CAPN11: variants seen among roughly 807,000 people sequenced by gnomAD.
CAPN11 encodes the protein calpain 11, also known as calpain-11.
Under a neutral mutation model 105.3 loss-of-function variants are expected in CAPN11, and 108 were observed. The observed-to-expected ratio is 1.03, with a 90% CI of 0.88 to 1.20. CAPN11 has a LOEUF of 1.20. Ranked by LOEUF, CAPN11 falls within the 50% of genes most tolerant of loss-of-function variation. The probability of loss-of-function intolerance (pLI) is 0.00; values close to 1 mark genes in which losing one functional copy is unlikely to be tolerated. For synonymous variants in CAPN11, 329 were observed against 344.5 expected, an observed-to-expected ratio of 0.96 and a Z score of 0.50; for missense variants, 883 against 924.8, an observed-to-expected ratio of 0.95 and a Z score of 0.59.
In CAPN11 at chr6:44,180,616, A is replaced by G; in HGVS notation, c.1700A>G (p.Asp567Gly). The change falls in exon 16 of 23, where the codon GAC becomes GGC. Residue 567 changes from aspartate to glycine, a missense_variant. Physicochemically the swap from Asp to Gly is moderately conservative, Grantham distance 94. Coordinates refer to ENST00000398776, the MANE Select transcript of CAPN11 (RefSeq NM_007058.4). ...CCCCAGGAAAAGGTCTCTGAGGATG[A>G]CATGGACCAGGACTTCCTACATTTG... ...QLQEEKVSED[D>G]MDQDFLHLFK... is the part of the protein sequence containing the mutation. The G allele has an allele frequency of 6.2e-7, 1 of 1,613,806 alleles. No individual in the cohort carries two copies. Among genetic ancestry groups the G allele is most frequent in the Non-Finnish European group, 8.5e-7 (1 of 1,179,850 alleles).
At chr6:44,183,291 C>G in intron 21 of CAPN11, 56 bp downstream of exon 21, 3 of 1,087,600 alleles carry the variant, frequency 2.8e-6, no homozygotes, top group Non-Finnish European at 4.3e-6. Context: ...GGGCCCTTTC[C>G]CAAACACCCA....
intron 2 of CAPN11, among the ~76,000 whole-genome samples, chr6:44,167,054 G>A (rs966870023): frequency 6.6e-6 from 1 of 152,032 alleles, no homozygotes; most frequent in Admixed American, 6.6e-5. Flanking sequence ...CGCCTGGCAG[G>A]CCCGGGATCC....
intron 4 of CAPN11, 124 bp from the exon 5 acceptor site, chr6:44,172,178 C>T: frequency 1.7e-6 from 1 of 588,300 alleles, no homozygotes; most frequent in Non-Finnish European, 3.0e-6. Context: ...GAGGGTGCCT[C>T]TCCGCCGGGG....
chr6:44,177,028 T>C (rs1233691593), intron 11 of CAPN11, 30 bp downstream of exon 11: 4 of 1,604,332 alleles, frequency 2.5e-6, no homozygotes, highest in Non-Finnish European at 3.4e-6. Flanking sequence ...GGAGGGGGTG[T>C]GCAGGGAGTG....
intron 12 of CAPN11, among the ~76,000 whole-genome samples, chr6:44,179,216 C>A (rs572606367): frequency 1.3e-5 from 2 of 152,186 alleles, no homozygotes; most frequent in South Asian, 2.1e-4. Context: ...CACCTCACAT[C>A]TTTGGGATTC....
chr6:44,183,899 T>C lies in CAPN11; in HGVS notation c.2194-7T>C, dbSNP rs752392122. 8 of 1,559,676 alleles carry C rather than the reference T, an allele frequency of 5.1e-6. No individual in the cohort carries two copies. Among genetic ancestry groups the C allele is most frequent in the Non-Finnish European group, 6.1e-6 (7 of 1,151,470 alleles). On this transcript the variant is annotated splice_polypyrimidine_tract_variant and splice_region_variant and intron_variant, in intron 22 of 22. Transcript: ENST00000398776. ...CCCACCCTGGGATCTGCTTCCTGTC[T>C]CCACAGTGGCTGCAGATGACCATGT...
intron 19 of CAPN11, among the ~76,000 whole-genome samples, chr6:44,181,626 CAT>C (rs1197447408): frequency 1.4e-4 from 2 of 13,970 alleles, no homozygotes; most frequent in South Asian, 1.8e-3. Context: ...CACACACACA[CAT>C]ACACACTCAC....
chr6:44,180,133 G>A lies in CAPN11; in HGVS notation c.1610G>A (p.Arg537Gln), dbSNP rs761181960. 46 of 1,612,476 alleles carry A rather than the reference G, an allele frequency of 2.9e-5. No individual in the cohort carries two copies. The highest frequency in any genetic ancestry group is 4.5e-5 in the East Asian group (2 of 44,838). The stretch of plus-strand genomic sequence containing the variant: ...CACAGAGATGCTGACTTCCTGCTTC[G>A]GGTCTTCACCGAGAAGCACAGCGAG... ...EPHRDADFLL[R>Q]VFTEKHSESW... is the part of the protein sequence containing the mutation. The change falls in exon 14 of 23, where the codon CGG becomes CAG. Residue 537 changes from arginine (R) to glutamine (Q), a missense_variant. Coordinates refer to ENST00000398776, the MANE Select transcript of CAPN11 (RefSeq NM_007058.4).
In CAPN11 at chr6:44,183,255, A is replaced by C. The variant is rs1317313835; in HGVS notation, c.2134+20A>C. Reference sequence around the variant, plus strand: ...TGTTCAGTGAGTTAGGCATCTACCCACTCCCCAGCCTAGGCCAGGGGCCGC... The same window carrying C: ...TGTTCAGTGAGTTAGGCATCTACCCCCTCCCCAGCCTAGGCCAGGGGCCGC... On this transcript the variant is annotated intron_variant, in intron 21 of 22. Coordinates refer to ENST00000398776, the MANE Select transcript of CAPN11 (RefSeq NM_007058.4). 1.1e-5 allele frequency: 16 copies of C among 1,519,512 alleles called. No individual in the cohort carries two copies. Among genetic ancestry groups the C allele is most frequent in the Middle Eastern group, 1.7e-4 (1 of 5,838 alleles). The allele number at this position is 1,519,512 out of a possible 1,614,324, so 94.1% of individuals were successfully genotyped here.
intron 9 of CAPN11, 23 bp downstream of exon 9, chr6:44,176,361 AG>A (rs771365095): frequency 6.6e-5 from 106 of 1,602,292 alleles, no homozygotes; most frequent in Non-Finnish European, 9.1e-5. Context: ...AACCCAGGTG[AG>A]GGGTGGTCGG....
Position 44,166,830 on chromosome 6 carries a change from G to C in CAPN11, c.88+1G>C. 2 of 1,548,956 alleles carry C rather than the reference G, an allele frequency of 1.3e-6. No homozygotes were observed. The highest frequency in any genetic ancestry group is 1.7e-6 in the Non-Finnish European group (2 of 1,144,550). On this transcript the variant is annotated splice_donor_variant, in intron 2 of 22. Transcript: ENST00000398776. LOFTEE classifies it high-confidence loss of function. ...GATAAGCCTCGGGGCTCATGTGCGG[G>C]TAGGACTGCAGACCCGTCGTGGCTC...
Position 44,180,466 on chromosome 6 carries a change from G to T in CAPN11, c.1647G>T (p.Leu549Phe). 1 of 1,612,822 alleles carries T rather than the reference G, an allele frequency of 6.2e-7. No individual in the cohort carries two copies. Among genetic ancestry groups the T allele is most frequent in the Non-Finnish European group, 8.5e-7 (1 of 1,179,426 alleles). The change falls in exon 15 of 23, where the codon TTG becomes TTT. Residue 549 changes from leucine (L) to phenylalanine (F), a missense_variant. Physicochemically the swap from Leu to Phe is conservative, Grantham distance 22. Transcript: ENST00000398776. The part of the protein sequence containing the change: ...FTEKHSESWE[L>F]DEVNYAEQLQ... ...TTTCAATCATTTTGCCCAGGGAATT[G>T]GATGAAGTCAACTATGCTGAGCAAC... is the stretch of plus-strand genomic sequence containing the variant.
intron 4 of CAPN11, 100 bp from the exon 5 acceptor site, chr6:44,172,202 G>A (rs1771129249): frequency 2.9e-6 from 2 of 700,636 alleles, no homozygotes; most frequent in African/African-American, 1.8e-5. Flanking sequence ...TGAGAATGGG[G>A]TACAGGGTCA....
chr6:44,181,947 CCACACTCA>C (rs1773648074), intron 19 of CAPN11, among the ~76,000 whole-genome samples: 1 of 123,190 alleles, frequency 8.1e-6, no homozygotes, highest in Non-Finnish European at 1.7e-5. Flanking sequence ...CACAACCACA[CCACACTCA>C]CACACACACA....
At chr6:44,163,530 G>A (rs576097450) in intron 1 of CAPN11, among the ~76,000 whole-genome samples, 42 of 152,246 alleles carry the variant, frequency 2.8e-4, no homozygotes, top group Non-Finnish European at 5.3e-4. Context: ...AATGCCCACC[G>A]AGTCTGAGGA....
At chr6:44,161,556 G>T (rs750648021) in intron 1 of CAPN11, among the ~76,000 whole-genome samples, 2 of 152,158 alleles carry the variant, frequency 1.3e-5, no homozygotes, top group Non-Finnish European at 2.9e-5. Context: ...AGTCCTTCCT[G>T]CAAGTCAGAG....
chr6:44,167,286 T>C (rs1333533061), intron 2 of CAPN11, among the ~76,000 whole-genome samples: 2 of 149,958 alleles, frequency 1.3e-5, no homozygotes, highest in Non-Finnish European at 3.0e-5. Flanking sequence ...ATCACCTGAG[T>C]TCGGGAGTTC....
rs1169349668 is a variant in CAPN11 at position 44,179,610 on chromosome 6, C to T, written c.1417-9C>T. On this transcript the variant is annotated splice_polypyrimidine_tract_variant and intron_variant, in intron 12 of 22. Coordinates refer to ENST00000398776, the MANE Select transcript of CAPN11 (RefSeq NM_007058.4). Reference sequence around the variant, plus strand: ...AGAGATCTGACTCTCCTCTTTCTTCCCTTCCCAGGTCCCAAAAGAGGTACA... The same window carrying T: ...AGAGATCTGACTCTCCTCTTTCTTCTCTTCCCAGGTCCCAAAAGAGGTACA... The T allele has an allele frequency of 3.7e-6, 6 of 1,613,154 alleles. No homozygotes were observed.
chr6:44,175,204 G>A (rs1771757570), intron 7 of CAPN11, among the ~76,000 whole-genome samples: 1 of 152,132 alleles, frequency 6.6e-6, no homozygotes, highest in African/African-American at 2.4e-5. Flanking sequence ...TCTGGGCTGG[G>A]CACGGTGCCT....
Sources: allele counts gnomAD v4.1 joint callset (sites outside exome capture counted in the v4.1 genomes callset), GRCh38; gene constraint gnomAD v4.1.1; transcripts MANE v1.5; gene names NCBI Gene and HGNC (gene_info 2026-07-23, HGNC 2026-07-21).